The following ATM variants were observed in gnomAD, a reference collection of about 807,000 sequenced individuals.
The protein encoded by ATM is serine-protein kinase ATM.
ATM carries 308 observed loss-of-function variants against 387.0 expected under a neutral mutation model. The ratio of observed to expected loss-of-function variants is 0.80; its 90% CI spans 0.73 to 0.87. The LOEUF is 0.87. Ranked by LOEUF, ATM falls within the 40% of genes least tolerant of loss-of-function variation. The pLI, the probability that ATM is intolerant of heterozygous loss-of-function variation, is 0.00. For missense variants in ATM, 3,312 were observed against 3,560.9 expected, an observed-to-expected ratio of 0.93 and a Z score of 1.78; for synonymous variants, 1,156 against 1,187.3, an observed-to-expected ratio of 0.97 and a Z score of 0.54.
chr11:108,296,750 G>T (rs2083143990), intron 32 of ATM, among the ~76,000 whole-genome samples: 1 of 152,194 alleles, frequency 6.6e-6, no homozygotes, highest in Admixed American at 6.5e-5. Flanking sequence ...ACAGCCACTA[G>T]CCATTTGGCT....
intron 22 of ATM, among the ~76,000 whole-genome samples, chr11:108,274,932 T>G (rs917516338): frequency 1.3e-5 from 2 of 152,210 alleles, no homozygotes; most frequent in African/African-American, 4.8e-5. Context: ...TTGTTAATTT[T>G]CTGTCTCATT....
intron 51 of ATM, 28 bp downstream of exon 51, chr11:108,331,585 A>G (rs1565532802): frequency 1.3e-6 from 2 of 1,573,272 alleles, no homozygotes; most frequent in African/African-American, 1.4e-5. Flanking sequence ...TCAAACCACA[A>G]TAATTATTTT....
In ATM at chr11:108,293,481, A is replaced by G. The variant is rs1591677924; in HGVS notation, c.4776+4A>G. 6.2e-7 allele frequency: 1 copy of G among 1,607,292 alleles called. No individual in the cohort carries two copies. ...AGGACCCTTTTCACTCTTGGAGGTA[A>G]TAAAAATTTCATCATCTACTATTTT... On this transcript the variant is annotated splice_donor_region_variant and intron_variant, in intron 31 of 62. Coordinates refer to ENST00000675843, the MANE Select transcript of ATM (RefSeq NM_000051.4).
At chr11:108,313,326 A>G (rs944653927) in intron 40 of ATM, among the ~76,000 whole-genome samples, 3 of 152,062 alleles carry the variant, frequency 2.0e-5, no homozygotes, top group Admixed American at 6.5e-5. Flanking sequence ...CCTCTTCCCT[A>G]TGTTCTCTTT....
Position 108,249,076 on chromosome 11 carries a change from A to G in ATM, c.1209A>G (p.Ser403=), listed in dbSNP as rs1213832469. 1.9e-6 allele frequency: 3 copies of G among 1,613,960 alleles called. No homozygotes were observed. The highest frequency in any genetic ancestry group is 2.5e-6 in the Non-Finnish European group (3 of 1,179,994). ...WEVIKDHLQK[S]QNDFDLVPWL... ...TAATAAAAGATCACCTTCAGAAGTC[A>G]CAGAATGATTTTGATCTTGTGCCTT... The change falls in exon 9 of 63, where the codon TCA becomes TCG. Residue 403 remains serine (S), a synonymous_variant. Transcript: ENST00000675843.
rs4988122 is a variant in ATM at position 108,331,272 on chromosome 11, TAGAA to T, written c.7516-168_7516-165del. On this transcript the variant is annotated intron_variant, in intron 50 of 62. Transcript: ENST00000675843. ...CAATGCATTAATCTAGAGTACCCAT[TAGAA>T]AGACCTTCAGATAAGAAAAGAAATG... The T allele has an allele frequency of 1.8e-3, 2,411 of 1,368,984 alleles. 4 individuals are homozygous for T. Among genetic ancestry groups the T allele is most frequent in the Non-Finnish European group, 2.1e-3 (2,261 of 1,062,536 alleles). 84.8% of individuals were successfully genotyped at this position (1,368,984 alleles called of 1,614,324 possible).
Position 108,266,932 on chromosome 11 carries a change from A to G in ATM, c.2467-239A>G, listed in dbSNP as rs1481636896. Among the ~76,000 whole-genome samples, 4 of 151,628 alleles carry G rather than the reference A, an allele frequency of 2.6e-5. No homozygotes were observed. The South Asian group carries it at 8.4e-4, about 32-fold the overall frequency. On this transcript the variant is annotated intron_variant, in intron 16 of 62. Transcript: ENST00000675843. ...TGCCTCAGCTTCCTGAGTAGCTGGG[A>G]TTACAGGTGCCCACCACCACACCCA...
At chr11:108,269,476 T>C (rs2081453591) in intron 18 of ATM, among the ~76,000 whole-genome samples, 1 of 152,216 alleles carries the variant, frequency 6.6e-6, no homozygotes, top group Non-Finnish European at 1.5e-5. Context: ...TTATCTTTTT[T>C]TCTGTCCAAA....
At chr11:108,317,615 T>TTATATATATATATATATATATA (rs376158749) in intron 43 of ATM, 94 bp downstream of exon 43, 3 of 211,242 alleles carry the variant, frequency 1.4e-5, no homozygotes, top group African/African-American at 4.6e-5. Flanking sequence ...AGGAGTTGTT[T>TTATATATATATATATATATATA]TATATATATA....
intron 7 of ATM, among the ~76,000 whole-genome samples, chr11:108,245,747 G>C (rs1178971787): frequency 6.6e-6 from 1 of 151,066 alleles, no homozygotes; most frequent in Non-Finnish European, 1.5e-5. Flanking sequence ...ATCATGGCTA[G>C]TATAGTGACT....
chr11:108,346,018 AT>A (rs1256320026), intron 58 of ATM, 110 bp downstream of exon 58: 9 of 1,305,380 alleles, frequency 6.9e-6, no homozygotes, highest in Non-Finnish European at 8.8e-6. Context: ...GATGATAGTG[AT>A]GATGTGGTTA....
chr11:108,253,711 G>A, intron 12 of ATM, 103 bp from the exon 13 acceptor site: 2 of 756,904 alleles, frequency 2.6e-6, no homozygotes, highest in Non-Finnish European at 2.2e-6. Flanking sequence ...TTTGAATGAT[G>A]TAGATACTAG....
In ATM at chr11:108,288,381, T is replaced by C. The variant is rs561551524; in HGVS notation, c.4110-596T>C. 1.1e-3 allele frequency among the ~76,000 whole-genome samples: 162 copies of C among 152,296 alleles called. 1 individual carries two copies. The highest frequency in any genetic ancestry group is 8.7e-4 in the Non-Finnish European group (59 of 68,002). ...TGAGCCGCCGTACCCAGCCTCACCTTTTCTTTATTGTGCGTTATTATCTGT... is the reference window on the plus strand; with the variant it reads ...TGAGCCGCCGTACCCAGCCTCACCTCTTCTTTATTGTGCGTTATTATCTGT... On this transcript the variant is annotated intron_variant, in intron 27 of 62. Coordinates refer to ENST00000675843, the MANE Select transcript of ATM (RefSeq NM_000051.4).
rs1460757633 is a variant in ATM, at chr11:108,244,816, C to G, written c.691C>G (p.His231Asp). The change falls in exon 7 of 63, where the codon CAT becomes GAT. Residue 231 changes from histidine to aspartate, a missense_variant. Physicochemically the swap from His to Asp is moderately conservative, Grantham distance 81. Around this residue, in one of 4 missense-constraint regions of ATM, gnomAD observed 1,791 missense variants for 1,804.5 expected, o/e 0.99. Coordinates refer to ENST00000675843, the MANE Select transcript of ATM (RefSeq NM_000051.4). Reference protein sequence around the residue: ...RQEKSSSGLNHILAALTIFLK... With the variant: ...RQEKSSSGLNDILAALTIFLK... The stretch of plus-strand genomic sequence containing the variant: ...AGAAAAGAGCTCTTCAGGTCTAAAT[C>G]ATATCTTAGCAGCTCTTACTATCTT... 1.9e-6 allele frequency: 3 copies of G among 1,613,708 alleles called. No homozygotes were observed. Among genetic ancestry groups the G allele is most frequent in the Non-Finnish European group, 1.7e-6 (2 of 1,179,872 alleles).
rs777245630 is a variant in ATM at position 108,347,289 on chromosome 11, A to T, written c.8595A>T (p.Ile2865=). 3.1e-6 allele frequency: 5 copies of T among 1,609,002 alleles called. No individual in the cohort carries two copies. Among genetic ancestry groups the T allele is most frequent in the Admixed American group, 1.7e-5 (1 of 59,964 alleles). ...SVATSSIVGY[I]LGLGDRHVQN... ...TTCTTTTTTCTCCAGTTGGTTACAT[A>T]CTTGGACTTGGTGATAGACATGTAC... The change falls in exon 59 of 63, where the codon ATA becomes ATT. Residue 2865 remains isoleucine, a synonymous_variant. Coordinates refer to ENST00000675843, the MANE Select transcript of ATM (RefSeq NM_000051.4).
At chr11:108,271,796 G>A (rs1310742490) in intron 20 of ATM, among the ~76,000 whole-genome samples, 2 of 152,200 alleles carry the variant, frequency 1.3e-5, no homozygotes, top group Non-Finnish European at 2.9e-5. Context: ...TTACAGAGGA[G>A]CACATACATA....
chr11:108,234,359 A>G (rs1223677023), intron 4 of ATM, among the ~76,000 whole-genome samples: 2 of 152,244 alleles, frequency 1.3e-5, no homozygotes, highest in African/African-American at 4.8e-5. Flanking sequence ...ATGGCAATAA[A>G]TATATTCAAT....
At chr11:108,274,168 A>G (rs1465496281) in intron 22 of ATM, among the ~76,000 whole-genome samples, 8 of 152,152 alleles carry the variant, frequency 5.3e-5, no homozygotes, top group Non-Finnish European at 7.3e-5. Context: ...AGAGGTATTT[A>G]TAGTATTCTC....
chr11:108,334,892 G>T (rs1855777514), intron 54 of ATM, 77 bp from the exon 55 acceptor site: 3 of 1,487,020 alleles, frequency 2.0e-6, no homozygotes, highest in Middle Eastern at 1.8e-4. Context: ...TATTAAAATT[G>T]CCATTTATAA....
Sources: gnomAD v4.1 joint callset for allele counts (sites outside exome capture counted in the v4.1 genomes callset) on GRCh38, gnomAD v4.1.1 for gene constraint, gnomAD v4.1.1 regional missense constraint, MANE v1.5 for transcripts, NCBI Gene and HGNC (gene_info 2026-07-23, HGNC 2026-07-21) for gene names.